The following HACD2 variants were observed in gnomAD, a reference collection of about 807,000 sequenced individuals.
HACD2 encodes the protein very-long-chain (3R)-3-hydroxyacyl-CoA dehydratase 2.
A neutral mutation model predicts 31.0 loss-of-function variants in HACD2; 15 were observed. That is an observed-to-expected ratio of 0.48 (90% CI 0.32 to 0.75). The LOEUF (loss-of-function observed/expected upper bound fraction) is 0.75. HACD2 is among the 30% of genes least tolerant of loss of function. The pLI, the probability that HACD2 is intolerant of heterozygous loss-of-function variation, is 0.03. For synonymous variants in HACD2, 115 were observed against 122.2 expected, an observed-to-expected ratio of 0.94 and a Z score of 0.39; for missense variants, 283 against 313.0, an observed-to-expected ratio of 0.90 and a Z score of 0.72.
intron 3 of HACD2, among the ~76,000 whole-genome samples, chr3:123,545,486 A>AAATAAAT (rs2056548225): frequency 1.8e-5 from 2 of 112,952 alleles, no homozygotes; most frequent in Non-Finnish European, 3.4e-5. Context: ...AGTCTCAGTA[A>AAATAAAT]AAATAAATAA....
chr3:123,501,988 A>C (rs1233783345), intron 5 of HACD2, among the ~76,000 whole-genome samples: 1 of 152,202 alleles, frequency 6.6e-6, no homozygotes, highest in African/African-American at 2.4e-5. Flanking sequence ...ACTGCCTACA[A>C]CTGTCTCATG....
rs1315084541 is a variant in HACD2 at position 123,582,268 on chromosome 3, G to T, written c.217C>A (p.Leu73Ile). The T allele has an allele frequency of 1.2e-6, 2 of 1,609,166 alleles. No homozygotes were observed. The highest frequency in any genetic ancestry group is 1.7e-6 in the Non-Finnish European group (2 of 1,177,694). The change falls in exon 2 of 7, where the codon CTT (leucine) becomes ATT (isoleucine). Residue 73 changes from leucine (L) to isoleucine (I), a missense_variant. This residue lies in a region of HACD2 where 158 missense variants were observed against 148.3 expected (regional missense o/e 1.07). Transcript: ENST00000383657. ...AAAGGCTTTTCAATTGAATAATAAAGGCTATGGTAGCTACCCTTAGCCAGG... is the reference window on the plus strand; with the variant it reads ...AAAGGCTTTTCAATTGAATAATAAATGCTATGGTAGCTACCCTTAGCCAGG... ...AYLAKGSYHS[L>I]YYSIEKPLKF... is the part of the protein sequence containing the mutation.
intron 2 of HACD2, among the ~76,000 whole-genome samples, chr3:123,568,145 C>T (rs370682689): frequency 1.3e-3 from 204 of 152,314 alleles, no homozygotes; most frequent in Middle Eastern, 3.4e-3. Context: ...AGAACCACCA[C>T]GGACTCCGGA....
At chr3:123,548,626 T>G (rs1028997317) in intron 3 of HACD2, among the ~76,000 whole-genome samples, 16 of 151,346 alleles carry the variant, frequency 1.1e-4, no homozygotes, top group African/African-American at 3.9e-4. Flanking sequence ...TCAGAGCCAG[T>G]TTTTTTTTCT....
chr3:123,502,767 G>T, intron 4 of HACD2, 86 bp from the exon 5 acceptor site: 1 of 1,404,444 alleles, frequency 7.1e-7, no homozygotes, highest in Non-Finnish European at 9.7e-7. Flanking sequence ...GCCAGGGAGT[G>T]AGTCGGCACA....
At chr3:123,512,289 C>T (rs1353117561) in intron 4 of HACD2, among the ~76,000 whole-genome samples, 1 of 151,902 alleles carries the variant, frequency 6.6e-6, no homozygotes, top group African/African-American at 2.4e-5. Flanking sequence ...AAAAGAAACG[C>T]ATAAACACAA....
intron 4 of HACD2, 31 bp from the exon 5 acceptor site, chr3:123,502,712 A>T (rs200781406): frequency 3.2e-6 from 5 of 1,570,788 alleles, no homozygotes; most frequent in Non-Finnish European, 4.3e-6. Flanking sequence ...AAGAAAAAAA[A>T]CACACAGACA....
chr3:123,525,166 G>C (rs2056264809), intron 4 of HACD2, among the ~76,000 whole-genome samples: 1 of 152,130 alleles, frequency 6.6e-6, no homozygotes, highest in Non-Finnish European at 1.5e-5. Context: ...AAGGGGGCGG[G>C]ACACAGCTGG....
chr3:123,501,098 T>C (rs534764825), intron 5 of HACD2, among the ~76,000 whole-genome samples: 3 of 152,232 alleles, frequency 2.0e-5, no homozygotes, highest in African/African-American at 7.2e-5. Context: ...TTGGAACATG[T>C]GGTCTAGGAA....
At chr3:123,575,116 T>G (rs1046482464) in intron 2 of HACD2, among the ~76,000 whole-genome samples, 10 of 152,004 alleles carry the variant, frequency 6.6e-5, no homozygotes, top group Admixed American at 2.6e-4. Context: ...TTTCATTTTT[T>G]TTTTTTTTGG....
chr3:123,551,623 A>G (rs2056621615), intron 3 of HACD2, among the ~76,000 whole-genome samples: 1 of 151,806 alleles, frequency 6.6e-6, no homozygotes. Context: ...ACTGTCTCAA[A>G]AAAAGAAAAA....
At chr3:123,560,457 A>G (rs891405661) in intron 3 of HACD2, among the ~76,000 whole-genome samples, 1 of 152,260 alleles carries the variant, frequency 6.6e-6, no homozygotes, top group East Asian at 1.9e-4. Flanking sequence ...GCGGCTCTCC[A>G]GGGGTCAGCC....
intron 4 of HACD2, among the ~76,000 whole-genome samples, chr3:123,515,648 A>C (rs2056124995): frequency 6.6e-6 from 1 of 152,142 alleles, no homozygotes; most frequent in Non-Finnish European, 1.5e-5. Context: ...ATGTTAAGTC[A>C]TTTGGTTATT....
At position 123,493,919 on chromosome 3, in the gene HACD2, T is replaced by C. The variant is rs1370475636; in HGVS notation, c.*969A>G. 1 of 152,220 alleles carries C rather than the reference T, an allele frequency of 6.6e-6. No homozygotes were observed. The highest frequency in any genetic ancestry group is 1.5e-5 in the Non-Finnish European group (1 of 68,042). 9.4% of individuals were successfully genotyped at this position (152,220 alleles called of 1,614,324 possible). The stretch of plus-strand genomic sequence containing the variant: ...AAATAAAACAATAATGGTGTATAAA[T>C]CTATTCCTGAATGTTTTTCCTGACT... On this transcript the variant is annotated 3_prime_UTR_variant, in exon 7 of 7. Transcript: ENST00000383657.
In HACD2 at chr3:123,582,470, T is replaced by C. The variant is rs1167615533; in HGVS notation, c.156-141A>G. The C allele has an allele frequency of 5.9e-6, 3 of 512,532 alleles. No homozygotes were observed. In the Admixed American group the frequency reaches 1.2e-4, roughly 20 times the overall value. 31.7% of individuals were successfully genotyped at this position (512,532 alleles called of 1,614,324 possible). On this transcript the variant is annotated intron_variant, in intron 1 of 6. Transcript: ENST00000383657. The stretch of plus-strand genomic sequence containing the variant: ...AACCTGGATTTATGGACGATAGCTC[T>C]CAAATGCCAAGCTGTAATGCACTGA...
chr3:123,498,831 C>G (rs1192796578), intron 6 of HACD2, among the ~76,000 whole-genome samples: 2 of 152,194 alleles, frequency 1.3e-5, no homozygotes, highest in African/African-American at 2.4e-5. Flanking sequence ...ACGCTATCAT[C>G]ATGGAGGCTG....
At chr3:123,523,825 C>T (rs189922465) in intron 4 of HACD2, among the ~76,000 whole-genome samples, 26 of 152,344 alleles carry the variant, frequency 1.7e-4, no homozygotes, top group African/African-American at 5.8e-4. Flanking sequence ...TTCCCAGCAA[C>T]TCCACCCCAG....
At chr3:123,564,447 AG>A (rs2056769791) in intron 3 of HACD2, among the ~76,000 whole-genome samples, 2 of 152,228 alleles carry the variant, frequency 1.3e-5, no homozygotes, top group African/African-American at 4.8e-5. Context: ...GTATTTCAGG[AG>A]GGCTCAGTCC....
At chr3:123,525,594 T>C (rs1356664201) in intron 4 of HACD2, among the ~76,000 whole-genome samples, 1 of 152,188 alleles carries the variant, frequency 6.6e-6, no homozygotes, top group African/African-American at 2.4e-5. Context: ...TAGCACATCA[T>C]GTACAGGTAC....
Sources: gnomAD v4.1 joint callset for allele counts (sites outside exome capture counted in the v4.1 genomes callset) on GRCh38, gnomAD v4.1.1 for gene constraint, gnomAD v4.1.1 regional missense constraint, MANE v1.5 for transcripts, NCBI Gene and HGNC (gene_info 2026-07-23, HGNC 2026-07-21) for gene names.